ERC1: variants seen among roughly 807,000 people sequenced by gnomAD.
ERC1 encodes the protein RAB6 interacting protein 2.
Under a neutral mutation model 132.0 loss-of-function variants are expected in ERC1, and 56 were observed. The observed-to-expected ratio is 0.42, with a 90% CI of 0.34 to 0.53. ERC1 has a LOEUF of 0.53. Ranked by LOEUF, ERC1 falls within the 20% of genes least tolerant of loss-of-function variation. ERC1 has a pLI of 0.03. For missense variants in ERC1, 1,202 were observed against 1,349.9 expected (o/e 0.89, Z 1.72); for synonymous variants, 478 against 476.1 (o/e 1.00, Z -0.05).
At chr12:1,249,672 C>T (rs973801330) in intron 13 of ERC1, among the ~76,000 whole-genome samples, 1 of 152,200 alleles carries the variant, frequency 6.6e-6, no homozygotes, top group African/African-American at 2.4e-5. Context: ...TCACATGCAT[C>T]TTAGCCTGGT....
intron 15 of ERC1, 28 bp from the exon 16 acceptor site, chr12:1,371,805 C>T (rs776139403): frequency 1.2e-5 from 19 of 1,607,170 alleles, no homozygotes; most frequent in Admixed American, 1.7e-5. Context: ...GGGTGAATGG[C>T]GCTGTTGGCA....
chr12:1,346,960 A>AAAAAG (rs1006260266), intron 15 of ERC1, among the ~76,000 whole-genome samples: 1 of 149,650 alleles, frequency 6.7e-6, no homozygotes, highest in Non-Finnish European at 1.5e-5. Flanking sequence ...AAAAAAAAAA[A>AAAAAG]AGAGAGAGAT....
intron 2 of ERC1, among the ~76,000 whole-genome samples, chr12:1,035,704 C>T (rs1001304886): frequency 2.0e-5 from 3 of 151,974 alleles, no homozygotes; most frequent in Non-Finnish European, 2.9e-5. Flanking sequence ...GGGCGGATCA[C>T]GAGGTCAGGA....
At chr12:1,027,487 T>C (rs988036325) in intron 1 of ERC1, 3 of 171,912 alleles carry the variant, frequency 1.7e-5, no homozygotes, top group East Asian at 1.3e-4. Context: ...GCTGGGATTA[T>C]AGGCATGAGC....
At chr12:1,320,841 A>G (rs917129499) in intron 15 of ERC1, among the ~76,000 whole-genome samples, 1 of 152,176 alleles carries the variant, frequency 6.6e-6, no homozygotes, top group Non-Finnish European at 1.5e-5. Flanking sequence ...AGCTGGGACT[A>G]CAGGCGCCCG....
intron 16 of ERC1, among the ~76,000 whole-genome samples, chr12:1,396,170 T>C (rs1328615033): frequency 6.6e-6 from 1 of 152,244 alleles, no homozygotes; most frequent in East Asian, 1.9e-4. Context: ...TTCTTTGCTT[T>C]TGACTGAGAT....
intron 3 of ERC1, among the ~76,000 whole-genome samples, chr12:1,094,409 C>T (rs1416720788): frequency 2.7e-5 from 2 of 73,630 alleles, no homozygotes; most frequent in African/African-American, 5.2e-5. Flanking sequence ...GTTATTCCTT[C>T]TCTCTCTTTT....
rs1187289548 is a variant in ERC1, at chr12:1,182,175, ATAT to A, written c.2016+112_2016+114del. Reference sequence around the variant, plus strand: ...AAGTATTCGATGGAAAATTTTCTTAATATTCTTTTAGCAGGCTTTTGTTGAATA... The same window carrying A: ...AAGTATTCGATGGAAAATTTTCTTAATCTTTTAGCAGGCTTTTGTTGAATA... On this transcript the variant is annotated intron_variant, in intron 10 of 18. Coordinates refer to ENST00000360905, the MANE Select transcript of ERC1 (RefSeq NM_178040.4). 3.8e-6 allele frequency: 4 copies of A among 1,049,552 alleles called. No individual in the cohort carries two copies. The African/African-American group carries it at 4.9e-5, about 13-fold the overall frequency. The allele number at this position is 1,049,552 out of a possible 1,614,324, so 65.0% of individuals were successfully genotyped here. A position where few individuals can be genotyped will look rare whatever the true frequency, so the allele number is the denominator to read the frequency against.
At chr12:1,262,577 A>G (rs1305027965) in intron 13 of ERC1, among the ~76,000 whole-genome samples, 2 of 152,266 alleles carry the variant, frequency 1.3e-5, no homozygotes, top group Non-Finnish European at 2.9e-5. Flanking sequence ...TTGTCTATGA[A>G]GAATATCATC....
chr12:1,488,015 G>A (rs1020579011), intron 18 of ERC1, among the ~76,000 whole-genome samples: 6 of 151,926 alleles, frequency 3.9e-5, no homozygotes, highest in Non-Finnish European at 8.8e-5. Flanking sequence ...GCAGGCGCCT[G>A]TAGTCCCAGG....
chr12:1,329,473 CAAT>C (rs1250931704), intron 15 of ERC1, among the ~76,000 whole-genome samples: 2 of 151,138 alleles, frequency 1.3e-5, no homozygotes, highest in Admixed American at 1.3e-4. Context: ...ATAACTACAA[CAAT>C]AATAATATAT....
chr12:1,455,532 G>A (rs895912522), intron 18 of ERC1, among the ~76,000 whole-genome samples: 12 of 152,166 alleles, frequency 7.9e-5, no homozygotes, highest in African/African-American at 2.4e-4. Flanking sequence ...TTCTCCTCAT[G>A]TATAAGATGT....
At chr12:1,412,482 G>A (rs74059522) in intron 17 of ERC1, among the ~76,000 whole-genome samples, 14,607 of 152,046 alleles carry the variant, frequency 0.096, 1,410 homozygotes, top group African/African-American at 0.24. Context: ...GCTTTGGAGC[G>A]GGATGCCTAT....
At chr12:1,485,281 T>C (rs112413712) in intron 18 of ERC1, among the ~76,000 whole-genome samples, 3,267 of 144,014 alleles carry the variant, frequency 0.023, 145 homozygotes, top group African/African-American at 0.08. Context: ...CTTAGCCCAC[T>C]GCAACCTCCA....
intron 18 of ERC1, among the ~76,000 whole-genome samples, chr12:1,447,860 G>C (rs1283291874): frequency 2.0e-5 from 3 of 152,140 alleles, no homozygotes; most frequent in Admixed American, 2.0e-4. Context: ...ATGTTGCCCA[G>C]TCTGGTCTCG....
chr12:1,109,469 G>C (rs1156940273), intron 4 of ERC1, among the ~76,000 whole-genome samples: 1 of 151,808 alleles, frequency 6.6e-6, no homozygotes, highest in African/African-American at 2.4e-5. Flanking sequence ...CCTCCTTTGG[G>C]GCATAATATG....
chr12:1,296,022 A>C (rs2079898779), intron 15 of ERC1, among the ~76,000 whole-genome samples: 1 of 150,640 alleles, frequency 6.6e-6, no homozygotes, highest in East Asian at 1.9e-4. Flanking sequence ...AAAAAAAAAA[A>C]AAAACAACTA....
In ERC1 at chr12:1,028,387, T is replaced by C. The variant is rs1449057523; in HGVS notation, c.484T>C (p.Leu162=). 6.2e-7 allele frequency: 1 copy of C among 1,614,116 alleles called. No individual in the cohort carries two copies. Among genetic ancestry groups the C allele is most frequent in the South Asian group, 1.1e-5 (1 of 91,078 alleles). ...MDLQTQLKEV[L]RENDLLRKDV... ...TCTGCAGACACAGCTGAAGGAAGTA[T>C]TAAGAGAAAATGATCTCTTGCGGAA... The change falls in exon 2 of 19, where the codon TTA becomes CTA. Residue 162 remains leucine, a synonymous_variant. Transcript: ENST00000360905.
intron 15 of ERC1, among the ~76,000 whole-genome samples, chr12:1,313,117 C>A (rs562656770): frequency 6.6e-6 from 1 of 152,034 alleles, no homozygotes; most frequent in African/African-American, 2.4e-5. Context: ...CTTTCTTTTC[C>A]GCTATCCTTA....
Sources: allele counts gnomAD v4.1 joint callset (sites outside exome capture counted in the v4.1 genomes callset), GRCh38; gene constraint gnomAD v4.1.1; transcripts MANE v1.5; gene names NCBI Gene and HGNC (gene_info 2026-07-23, HGNC 2026-07-21).